NEK5: variants seen among roughly 807,000 people sequenced by gnomAD.
NEK5 encodes the protein serine/threonine-protein kinase Nek5.
NEK5 carries 88 observed loss-of-function variants against 109.2 expected under a neutral mutation model. The ratio of observed to expected loss-of-function variants is 0.81; its 90% confidence interval spans 0.68 to 0.96. The LOEUF (loss-of-function observed/expected upper bound fraction) is 0.96, where lower values mean the gene tolerates loss of function less well. Among genes scored for constraint, NEK5 ranks in the 40% least tolerant of loss-of-function variants. The pLI is 0.00. For missense variants in NEK5, 834 were observed against 920.7 expected (o/e 0.91, Z 1.22); for synonymous variants, 283 against 299.9 (o/e 0.94, Z 0.58).
chr13:52,038,146 A>G (rs1323503930), intron 23 of NEK5, among the ~76,000 whole-genome samples: 1 of 151,966 alleles, frequency 6.6e-6, no homozygotes, highest in Non-Finnish European at 1.5e-5. Context: ...CCAACATGGC[A>G]AAACCCCTTC....
intron 12 of NEK5, among the ~76,000 whole-genome samples, chr13:52,098,087 T>C (rs1490199995): frequency 6.6e-6 from 1 of 152,098 alleles, no homozygotes; most frequent in Non-Finnish European, 1.5e-5. Flanking sequence ...TCCCCAGCAA[T>C]GCATCCTGTA....
At chr13:52,087,560 A>G (rs1368870237) in intron 14 of NEK5, 106 bp from the exon 15 acceptor site, 21 of 589,468 alleles carry the variant, frequency 3.6e-5, no homozygotes, top group Non-Finnish European at 6.0e-5. Context: ...CACTAAGCAA[A>G]CTCAGTATTT....
At chr13:52,063,587 G>A (rs1954634244) in intron 21 of NEK5, among the ~76,000 whole-genome samples, 2 of 148,960 alleles carry the variant, frequency 1.3e-5, no homozygotes, top group South Asian at 4.2e-4. Context: ...TGGAAAGTGA[G>A]GAGCGTCTCT....
chr13:52,127,864 A>T (rs778199543), intron 1 of NEK5, among the ~76,000 whole-genome samples: 3 of 152,248 alleles, frequency 2.0e-5, no homozygotes, highest in African/African-American at 4.8e-5. Context: ...TTTATAAAGC[A>T]GGAATGTCCT....
intron 23 of NEK5, among the ~76,000 whole-genome samples, chr13:52,045,854 C>T (rs924147326): frequency 8.0e-5 from 12 of 150,002 alleles, no homozygotes; most frequent in Admixed American, 2.7e-4. Flanking sequence ...GGGTGGATCA[C>T]GAGGTCAGGG....
chr13:52,102,337 T>C (rs1250529609), intron 9 of NEK5, 45 bp from the exon 10 acceptor site: 4 of 1,409,958 alleles, frequency 2.8e-6, no homozygotes, highest in Non-Finnish European at 4.0e-6. Context: ...GAAAAGTTAC[T>C]AAAGTAACAA....
rs758929883 is a variant in NEK5 at position 52,119,336 on chromosome 13, A to C, written c.197T>G (p.Phe66Cys). 6.3e-7 allele frequency: 1 copy of C among 1,585,360 alleles called. No homozygotes were observed. The highest frequency in any genetic ancestry group is 1.1e-5 in the South Asian group (1 of 88,496). Residue 66 changes from phenylalanine (F) to cysteine (C), a missense_variant, in exon 4 of 24, where the codon TTC becomes TGC. By Grantham distance (205) the Phe-to-Cys change is radical. Around this residue, in one of 2 missense-constraint regions of NEK5, gnomAD observed 777 missense variants for 824.7 expected, o/e 0.94. Transcript: ENST00000684899. ...AATCAAACCTTGAAATGAATTGAAG[A>C]AGGCTACAATGTTGGGATGTTTCAT... ...EKMKHPNIVA[F>C]FNSFQENGRL...
At chr13:52,101,883 T>A (rs1179240447) in intron 11 of NEK5, 50 bp downstream of exon 11, 4 of 1,386,350 alleles carry the variant, frequency 2.9e-6, no homozygotes, top group Non-Finnish European at 4.1e-6. Flanking sequence ...ACTCTCTGTG[T>A]GAGACATGTG....
chr13:52,077,135 A>G (rs990923150), intron 17 of NEK5, among the ~76,000 whole-genome samples: 2 of 152,218 alleles, frequency 1.3e-5, no homozygotes, highest in African/African-American at 4.8e-5. Flanking sequence ...CAGAGGGAAC[A>G]GTGGGGTAAA....
chr13:52,063,724 G>A (rs561127248), intron 21 of NEK5, among the ~76,000 whole-genome samples: 4 of 108,354 alleles, frequency 3.7e-5, no homozygotes, highest in Admixed American at 9.4e-5. Context: ...GCCCGGCCGC[G>A]ACCCCGTCTG....
intron 17 of NEK5, among the ~76,000 whole-genome samples, chr13:52,079,010 G>T (rs1315644379): frequency 6.6e-6 from 1 of 152,208 alleles, no homozygotes; most frequent in African/African-American, 2.4e-5. Flanking sequence ...TCCCAAGTTT[G>T]CAGGGCAAAT....
chr13:52,112,138 T>G (rs1955770549), intron 5 of NEK5, 130 bp downstream of exon 5: 1 of 475,624 alleles, frequency 2.1e-6, no homozygotes, highest in African/African-American at 2.0e-5. Context: ...GATCCACTAT[T>G]TTATGGTTTC....
intron 17 of NEK5, among the ~76,000 whole-genome samples, chr13:52,080,593 C>T (rs1954986279): frequency 6.6e-6 from 1 of 152,110 alleles, no homozygotes. Flanking sequence ...TGACCTTACC[C>T]CCAACCCTGT....
At position 52,035,641 on chromosome 13, in the gene NEK5, C is replaced by T. The variant is rs1954354473; in HGVS notation, c.*1307G>A. 1 of 152,186 alleles carries T rather than the reference C, an allele frequency of 6.6e-6. No individual in the cohort carries two copies. The highest frequency in any genetic ancestry group is 2.4e-5 in the African/African-American group (1 of 41,450). 9.4% of individuals were successfully genotyped at this position (152,186 alleles called of 1,614,324 possible). The stretch of plus-strand genomic sequence containing the variant: ...GGAAATGTTTTAGCATTTATTAATT[C>T]AGGAAACATTTCTGGCACTGTGCTA... On this transcript the variant is annotated 3_prime_UTR_variant, in exon 24 of 24. Transcript: ENST00000684899.
chr13:52,088,561 C>CT (rs113598091), intron 14 of NEK5, among the ~76,000 whole-genome samples: 3 of 152,024 alleles, frequency 2.0e-5, no homozygotes, highest in African/African-American at 7.2e-5. Context: ...CCCCTTGTCA[C>CT]TTTTTTTAAT....
At chr13:52,116,838 G>T (rs1039796501) in intron 4 of NEK5, among the ~76,000 whole-genome samples, 1 of 152,008 alleles carries the variant, frequency 6.6e-6, no homozygotes, top group Non-Finnish European at 1.5e-5. Flanking sequence ...AATATACATG[G>T]AATTAATTTT....
intron 17 of NEK5, among the ~76,000 whole-genome samples, chr13:52,077,776 A>G (rs1265067223): frequency 6.6e-6 from 1 of 152,176 alleles, no homozygotes; most frequent in East Asian, 1.9e-4. Context: ...ATGACCACAT[A>G]AAGATTTGTA....
chr13:52,110,719 GAAGTT>G (rs1955742700), intron 5 of NEK5, 142 bp from the exon 6 acceptor site: 1 of 512,842 alleles, frequency 1.9e-6, no homozygotes, highest in Non-Finnish European at 3.4e-6. Flanking sequence ...TTATAGGAAT[GAAGTT>G]AATAGGTACA....
At chr13:52,053,293 T>C (rs1432926441) in intron 22 of NEK5, among the ~76,000 whole-genome samples, 1 of 151,882 alleles carries the variant, frequency 6.6e-6, no homozygotes, top group Non-Finnish European at 1.5e-5. Context: ...GTCTCAAAAA[T>C]AAATAAATAA....
Sources: gnomAD v4.1 joint callset for allele counts (sites outside exome capture counted in the v4.1 genomes callset) on GRCh38, gnomAD v4.1.1 for gene constraint, gnomAD v4.1.1 regional missense constraint, MANE v1.5 for transcripts, NCBI Gene and HGNC (gene_info 2026-07-23, HGNC 2026-07-21) for gene names.